The following RXFP1 variants were observed in gnomAD, a reference collection of about 807,000 sequenced individuals.
RXFP1 encodes relaxin receptor 1.
A neutral mutation model predicts 89.8 loss-of-function variants in RXFP1; 73 were observed. That is an observed-to-expected ratio of 0.81 (90% CI 0.67 to 0.99). The LOEUF (loss-of-function observed/expected upper bound fraction) is 0.99, where lower values mean the gene tolerates loss of function less well. RXFP1 is among the 50% of genes least tolerant of loss of function. The pLI, the probability that RXFP1 is intolerant of heterozygous loss-of-function variation, is 0.00. For synonymous variants in RXFP1, 277 were observed against 305.5 expected, an observed-to-expected ratio of 0.91 and a Z score of 0.97; for missense variants, 793 against 895.5, an observed-to-expected ratio of 0.89 and a Z score of 1.46.
chr4:158,588,603 A>G (rs1758761686), intron 2 of RXFP1, among the ~76,000 whole-genome samples: 1 of 152,192 alleles, frequency 6.6e-6, no homozygotes, highest in Non-Finnish European at 1.5e-5. Context: ...AGCAGCAAAC[A>G]AATGACCTTA....
At chr4:158,633,022 T>C (rs1768407842) in intron 11 of RXFP1, among the ~76,000 whole-genome samples, 1 of 151,788 alleles carries the variant, frequency 6.6e-6, no homozygotes, top group Non-Finnish European at 1.5e-5. Context: ...ATACAAAAAT[T>C]AGCCAGGCGT....
intron 2 of RXFP1, among the ~76,000 whole-genome samples, chr4:158,590,289 C>T (rs570012720): frequency 3.9e-5 from 6 of 152,200 alleles, no homozygotes; most frequent in South Asian, 2.1e-4. Flanking sequence ...CTCAGCCTCC[C>T]GAGTAGCTGG....
rs776300937 is a variant in RXFP1 at position 158,599,273 on chromosome 4, C to T, written c.287-53C>T. On this transcript the variant is annotated intron_variant, in intron 3 of 17. Transcript: ENST00000307765. ...TTCATTTCTTTCTTTTCATTACCCTCCTCTTCCTGGTCCCTCACTGTCATC... is the reference window on the plus strand; with the variant it reads ...TTCATTTCTTTCTTTTCATTACCCTTCTCTTCCTGGTCCCTCACTGTCATC... The T allele has an allele frequency of 5.0e-6, 8 of 1,611,732 alleles. No individual in the cohort carries two copies. In the Admixed American group the frequency reaches 1.2e-4, roughly 24 times the overall value.
chr4:158,644,169 C>G (rs1369737223), intron 14 of RXFP1, among the ~76,000 whole-genome samples: 1 of 151,638 alleles, frequency 6.6e-6, no homozygotes, highest in Non-Finnish European at 1.5e-5. Flanking sequence ...GCCTCAGCCT[C>G]CCGAGTAGCT....
Position 158,652,929 on chromosome 4 carries a change from C to T in RXFP1, c.*874C>T, listed in dbSNP as rs1464795451. 2 of 152,098 alleles carry T rather than the reference C, an allele frequency of 1.3e-5. No homozygotes were observed. The highest frequency in any genetic ancestry group is 2.4e-5 in the African/African-American group (1 of 41,408). The allele number at this position is 152,098 out of a possible 1,614,324, so 9.4% of individuals were successfully genotyped here. On this transcript the variant is annotated 3_prime_UTR_variant, in exon 18 of 18. Transcript: ENST00000307765. ...AAACCGTGCTGTTTTAAGAACAGAC[C>T]TAAGTGGTTTAATTCACCCACTTTA...
At chr4:158,651,492 C>T (rs1772719569) in intron 17 of RXFP1, among the ~76,000 whole-genome samples, 2 of 151,936 alleles carry the variant, frequency 1.3e-5, no homozygotes. Context: ...ATATTTCTAC[C>T]TAAAGGAATA....
intron 1 of RXFP1, among the ~76,000 whole-genome samples, chr4:158,560,268 T>C (rs1752159774): frequency 6.6e-6 from 1 of 152,222 alleles, no homozygotes; most frequent in Non-Finnish European, 1.5e-5. Flanking sequence ...AGAGAAAGAT[T>C]TGATAGCTCA....
At chr4:158,543,826 A>T (rs533316358) in intron 1 of RXFP1, 1,168 of 985,260 alleles carry the variant, frequency 1.2e-3, no homozygotes, top group Non-Finnish European at 1.4e-3. Context: ...TTCGACACAG[A>T]AGAAAACCTA....
At chr4:158,616,491 A>G (rs1764589894) in intron 8 of RXFP1, among the ~76,000 whole-genome samples, 1 of 151,536 alleles carries the variant, frequency 6.6e-6, no homozygotes, top group African/African-American at 2.4e-5. Flanking sequence ...TAATCTTGGT[A>G]AAGAAAAAAA....
intron 2 of RXFP1, among the ~76,000 whole-genome samples, chr4:158,587,827 G>A (rs1758590621): frequency 6.6e-6 from 1 of 152,134 alleles, no homozygotes. Flanking sequence ...ATGTAGTTAT[G>A]AGGATAAAAT....
At chr4:158,561,626 C>CTTTTTTTTTTTTTTTTTTTTTTT (rs70962615) in intron 1 of RXFP1, among the ~76,000 whole-genome samples, 2 of 112,620 alleles carry the variant, frequency 1.8e-5, no homozygotes, top group Non-Finnish European at 3.6e-5. Context: ...TTCTTTTTTT[C>CTTTTTTTTTTTTTTTTTTTTTTT]TTTTTTTTTT....
At chr4:158,542,109 A>ATATATATATATATAT in intron 1 of RXFP1, among the ~76,000 whole-genome samples, 1 of 35,242 alleles carries the variant, frequency 2.8e-5, no homozygotes, top group Non-Finnish European at 5.6e-5. Context: ...ATATATATAT[A>ATATATATATATATAT]TTTTTTTTTT....
At position 158,647,010 on chromosome 4, in the gene RXFP1, G is replaced by C. The variant is rs754859894; in HGVS notation, c.1565G>C (p.Arg522Thr). Residue 522 changes from arginine (R) to threonine (T), a missense_variant, in exon 16 of 18, where the codon AGA becomes ACA. By Grantham distance (71) the Arg-to-Thr change is moderately conservative. Coordinates refer to ENST00000307765, the MANE Select transcript of RXFP1 (RefSeq NM_021634.4). Reference sequence around the variant, plus strand: ...ATTGTCTATCCTTTTAGATGTGTGAGACCTGGAAAATGCAGAACAATTACA... The same window carrying C: ...ATTGTCTATCCTTTTAGATGTGTGACACCTGGAAAATGCAGAACAATTACA... The part of the protein sequence containing the change: ...ICIVYPFRCV[R>T]PGKCRTITVL... 6.2e-7 allele frequency: 1 copy of C among 1,614,094 alleles called. No individual in the cohort carries two copies. The highest frequency in any genetic ancestry group is 8.5e-7 in the Non-Finnish European group (1 of 1,179,992).
chr4:158,594,554 TAGTG>T (rs1036443292), intron 3 of RXFP1, among the ~76,000 whole-genome samples: 30 of 152,094 alleles, frequency 2.0e-4, no homozygotes, highest in African/African-American at 7.2e-4. Context: ...GCTTTGCACA[TAGTG>T]AGCACTCAAT....
At chr4:158,547,934 G>C (rs1748945717) in intron 1 of RXFP1, among the ~76,000 whole-genome samples, 1 of 152,188 alleles carries the variant, frequency 6.6e-6, no homozygotes, top group African/African-American at 2.4e-5. Context: ...CTGTTGATTT[G>C]GGGTGGAAAG....
At chr4:158,626,290 G>C (rs1766815488) in intron 9 of RXFP1, among the ~76,000 whole-genome samples, 1 of 152,122 alleles carries the variant, frequency 6.6e-6, no homozygotes, top group East Asian at 1.9e-4. Flanking sequence ...AGCAAATAAG[G>C]GTATTCCCAA....
intron 1 of RXFP1, among the ~76,000 whole-genome samples, chr4:158,567,928 C>T (rs967095792): frequency 5.3e-5 from 8 of 152,166 alleles, no homozygotes; most frequent in South Asian, 2.1e-4. Context: ...TTCTTTTGCT[C>T]GTTGCAATAA....
chr4:158,578,536 A>G (rs1756701502), intron 2 of RXFP1, among the ~76,000 whole-genome samples: 1 of 152,258 alleles, frequency 6.6e-6, no homozygotes, highest in African/African-American at 2.4e-5. Flanking sequence ...AAGGAACATC[A>G]AATTCTCAGA....
chr4:158,628,667 T>G lies in RXFP1; in HGVS notation c.857T>G (p.Leu286Ter). The stretch of plus-strand genomic sequence containing the variant: ...ATGAGGAAAAACAAAATTAATCACT[T>G]AAATGAAAATACTTTTGCACCTCTC... ...LVMRKNKINH[L>*]NENTFAPLQK... Residue 286 changes from leucine to a stop codon, truncating the protein, a stop_gained, in exon 11 of 18, where the codon TTA becomes TGA. Coordinates refer to ENST00000307765, the MANE Select transcript of RXFP1 (RefSeq NM_021634.4). LOFTEE classifies it high-confidence loss of function. 6.3e-7 allele frequency: 1 copy of G among 1,575,146 alleles called. No homozygotes were observed. The highest frequency in any genetic ancestry group is 8.7e-7 in the Non-Finnish European group (1 of 1,147,250).
Sources: gnomAD v4.1 joint callset for allele counts (sites outside exome capture counted in the v4.1 genomes callset) on GRCh38, gnomAD v4.1.1 for gene constraint, MANE v1.5 for transcripts, NCBI Gene and HGNC (gene_info 2026-07-23, HGNC 2026-07-21) for gene names.